The following RGS7 variants were observed in gnomAD, a reference collection of about 807,000 sequenced individuals.
The protein encoded by RGS7 is regulator of G-protein signaling 7.
Under a neutral mutation model 81.1 loss-of-function variants are expected in RGS7, and 27 were observed. The ratio of observed to expected loss-of-function variants is 0.33; its 90% confidence interval spans 0.25 to 0.46. The LOEUF is 0.46. Among genes scored for constraint, RGS7 ranks in the 20% least tolerant of loss-of-function variants. RGS7 has a pLI of 1.00. For missense variants in RGS7, 396 were observed against 607.4 expected, an observed-to-expected ratio of 0.65 and a Z score of 3.66; for synonymous variants, 208 against 207.7, an observed-to-expected ratio of 1.00 and a Z score of -0.01.
chr1:240,978,115 C>G (rs1274323278), intron 4 of RGS7, among the ~76,000 whole-genome samples: 2 of 152,160 alleles, frequency 1.3e-5, no homozygotes, highest in Non-Finnish European at 2.9e-5. Context: ...CCAACTCCAG[C>G]TGCAAAGTGG....
At chr1:241,215,494 A>G (rs1175747525) in intron 2 of RGS7, among the ~76,000 whole-genome samples, 1 of 152,190 alleles carries the variant, frequency 6.6e-6, no homozygotes, top group African/African-American at 2.4e-5. Flanking sequence ...GAGTCAACCA[A>G]GGACTTGAGA....
At position 241,263,780 on chromosome 1, in the gene RGS7, G is replaced by A. The variant is rs550788434; in HGVS notation, c.78+91919C>T. ...TTTTTAAAAAAGAGTCCAAAATGCC[G>A]GCCTCATGAACCTTACATTTACCAA... On this transcript the variant is annotated intron_variant, in intron 2 of 18. Transcript: ENST00000440928. Among the ~76,000 whole-genome samples, 4 of 152,124 alleles carry A rather than the reference G, an allele frequency of 2.6e-5. No homozygotes were observed. In the East Asian group the frequency reaches 5.8e-4, roughly 22 times the overall value.
chr1:241,282,380 T>A (rs2078564282), intron 2 of RGS7, among the ~76,000 whole-genome samples: 2 of 152,212 alleles, frequency 1.3e-5, no homozygotes, highest in African/African-American at 4.8e-5. Context: ...TACTATAATA[T>A]AGAAATAAAA....
chr1:241,036,918 G>C (rs1475917671), intron 3 of RGS7, among the ~76,000 whole-genome samples: 1 of 152,168 alleles, frequency 6.6e-6, no homozygotes, highest in Non-Finnish European at 1.5e-5. Flanking sequence ...AATGGTGATT[G>C]TGGGAGCTAC....
intron 3 of RGS7, among the ~76,000 whole-genome samples, chr1:241,064,163 A>C (rs565084867): frequency 6.0e-5 from 9 of 150,160 alleles, no homozygotes; most frequent in Admixed American, 4.0e-4. Context: ...AGCCTGGGCA[A>C]CAAGAGTGAA....
chr1:241,311,875 T>C (rs112796618), intron 2 of RGS7, among the ~76,000 whole-genome samples: 2 of 152,244 alleles, frequency 1.3e-5, no homozygotes, highest in African/African-American at 4.8e-5. Flanking sequence ...TGGTTCTCTT[T>C]GTTCCTGCTA....
intron 3 of RGS7, among the ~76,000 whole-genome samples, chr1:241,084,283 C>T (rs1200280784): frequency 6.6e-6 from 1 of 152,170 alleles, no homozygotes. Context: ...TTAAGGTCAA[C>T]TTGACTTTAA....
At chr1:240,876,697 C>T (rs1431235018) in intron 6 of RGS7, among the ~76,000 whole-genome samples, 1 of 152,118 alleles carries the variant, frequency 6.6e-6, no homozygotes, top group Non-Finnish European at 1.5e-5. Context: ...TGTAGTGGCT[C>T]ACACCTGTAA....
At chr1:241,229,639 T>G (rs1422327496) in intron 2 of RGS7, among the ~76,000 whole-genome samples, 1 of 152,216 alleles carries the variant, frequency 6.6e-6, no homozygotes, top group Non-Finnish European at 1.5e-5. Flanking sequence ...AGCTTTTTTC[T>G]AACGGTGTAG....
At chr1:241,233,226 T>C (rs1436398151) in intron 2 of RGS7, among the ~76,000 whole-genome samples, 1 of 152,260 alleles carries the variant, frequency 6.6e-6, no homozygotes, top group South Asian at 2.1e-4. Flanking sequence ...CATTTCTTTA[T>C]GCTAGGGACA....
At chr1:240,833,655 T>C (rs1482468877) in intron 9 of RGS7, among the ~76,000 whole-genome samples, 1 of 152,232 alleles carries the variant, frequency 6.6e-6, no homozygotes, top group Non-Finnish European at 1.5e-5. Context: ...GAGTCACCGC[T>C]TTGTAATACA....
rs1663889061 is a variant in RGS7, at chr1:240,868,525, C to A, written c.609+62G>T. Reference sequence around the variant, plus strand: ...CAGTCTTTCACTTACTTTGGCAGGGCACCCCTCACTTCCCACAGACGGAGA... The same window carrying A: ...CAGTCTTTCACTTACTTTGGCAGGGAACCCCTCACTTCCCACAGACGGAGA... On this transcript the variant is annotated intron_variant, in intron 9 of 18. Transcript: ENST00000440928. The surrounding 1 kb of genome is among the most constrained non-coding windows in gnomAD (Gnocchi z 5.1). 7.0e-7 allele frequency: 1 copy of A among 1,433,388 alleles called. No homozygotes were observed. Among genetic ancestry groups the A allele is most frequent in the Admixed American group, 1.7e-5 (1 of 59,814 alleles). 88.8% of individuals were successfully genotyped at this position (1,433,388 alleles called of 1,614,324 possible). A position where few individuals can be genotyped will look rare whatever the true frequency, so the allele number is the denominator to read the frequency against.
chr1:241,229,067 A>G (rs1421384124), intron 2 of RGS7, among the ~76,000 whole-genome samples: 1 of 152,022 alleles, frequency 6.6e-6, no homozygotes, highest in African/African-American at 2.4e-5. Flanking sequence ...AATTAAAAAA[A>G]AAAAAAAGAA....
At chr1:240,890,434 A>G (rs1668110261) in intron 6 of RGS7, among the ~76,000 whole-genome samples, 2 of 152,206 alleles carry the variant, frequency 1.3e-5, no homozygotes, top group South Asian at 2.1e-4. Context: ...TACAGGGGTG[A>G]GCCACCATAC....
At chr1:241,228,437 G>T (rs576994165) in intron 2 of RGS7, among the ~76,000 whole-genome samples, 1 of 152,194 alleles carries the variant, frequency 6.6e-6, no homozygotes, top group East Asian at 1.9e-4. Context: ...TAAAAAAAAT[G>T]ACTGAAATAA....
chr1:240,874,329 T>G (rs1664987400), intron 6 of RGS7, among the ~76,000 whole-genome samples: 1 of 152,220 alleles, frequency 6.6e-6, no homozygotes, highest in Non-Finnish European at 1.5e-5. Flanking sequence ...GTGAGTGGCT[T>G]CTTTCTCCCC....
chr1:241,206,531 A>G (rs1030999712), intron 2 of RGS7, among the ~76,000 whole-genome samples: 1 of 152,136 alleles, frequency 6.6e-6, no homozygotes, highest in Non-Finnish European at 1.5e-5. Context: ...TTCTTCTTTT[A>G]AAAGTTTCTC....
intron 2 of RGS7, among the ~76,000 whole-genome samples, chr1:241,182,699 A>C (rs1349569296): frequency 9.8e-5 from 13 of 133,326 alleles, no homozygotes; most frequent in South Asian, 2.4e-4. Context: ...ACCAGGCTGG[A>C]GTGCAGTGAT....
intron 3 of RGS7, among the ~76,000 whole-genome samples, chr1:241,029,261 C>T (rs779324960): frequency 2.0e-5 from 3 of 152,028 alleles, no homozygotes; most frequent in Non-Finnish European, 2.9e-5. Flanking sequence ...TACATTACAC[C>T]CACTTTCTTT....
Sources: allele counts gnomAD v4.1 joint callset (sites outside exome capture counted in the v4.1 genomes callset), GRCh38; gene constraint gnomAD v4.1.1; non-coding constraint Gnocchi (gnomAD v3.1); transcripts MANE v1.5; gene names NCBI Gene and HGNC (gene_info 2026-07-23, HGNC 2026-07-21).